Variants in DLG2 observed in about 807,000 individuals in gnomAD.
DLG2 encodes the protein disks large homolog 2.
A neutral mutation model predicts 132.5 loss-of-function variants in DLG2; 45 were observed. That is an observed-to-expected ratio of 0.34 (90% CI 0.27 to 0.44). The LOEUF (loss-of-function observed/expected upper bound fraction) is 0.44, where lower values mean the gene tolerates loss of function less well. DLG2 is among the 20% of genes least tolerant of loss of function. DLG2 has a pLI of 1.00. For missense variants in DLG2, 1,045 were observed against 1,196.9 expected (o/e 0.87, Z 1.87); for synonymous variants, 424 against 419.6 (o/e 1.01, Z -0.13).
chr11:85,387,176 C>T (rs1470590194), intron 3 of DLG2, among the ~76,000 whole-genome samples: 1 of 152,064 alleles, frequency 6.6e-6, no homozygotes, highest in Non-Finnish European at 1.5e-5. Flanking sequence ...GTGTTAGCCA[C>T]CAGAATATCC....
At chr11:84,503,219 G>T (rs1294393944) in intron 7 of DLG2, among the ~76,000 whole-genome samples, 1 of 152,134 alleles carries the variant, frequency 6.6e-6, no homozygotes, top group South Asian at 2.1e-4. Flanking sequence ...GAAAACGCTC[G>T]AAGATAAGAA....
At chr11:84,683,057 G>C (rs111562437) in intron 6 of DLG2, among the ~76,000 whole-genome samples, 2,328 of 152,198 alleles carry the variant, frequency 0.015, 61 homozygotes, top group African/African-American at 0.052. Context: ...TTTGAGCAAT[G>C]TTTATAATGA....
At chr11:85,354,891 T>C (rs1224422231) in intron 3 of DLG2, among the ~76,000 whole-genome samples, 3 of 152,010 alleles carry the variant, frequency 2.0e-5, no homozygotes, top group African/African-American at 7.2e-5. Context: ...AAGTGAAAGA[T>C]AATTAACTCT....
At position 84,061,600 on chromosome 11, in the gene DLG2, G is replaced by A. The variant is rs79218217; in HGVS notation, c.750-2116C>T. ...TGATGAATAGTTTCATGTATGTTGT[G>A]TATATCAATTCAAAATGATGACTAC... is the stretch of plus-strand genomic sequence containing the variant. On this transcript the variant is annotated intron_variant, in intron 10 of 27. Transcript: ENST00000376104. Among the ~76,000 whole-genome samples the A allele has an allele frequency of 2.1e-3, 327 of 152,208 alleles. 3 individuals carry two copies. Among genetic ancestry groups the A allele is most frequent in the African/African-American group, 4.7e-3 (197 of 41,536 alleles).
intron 3 of DLG2, among the ~76,000 whole-genome samples, chr11:85,461,651 T>G (rs191647207): frequency 6.6e-6 from 1 of 152,330 alleles, no homozygotes; most frequent in Admixed American, 6.5e-5. Context: ...TCTTTATCTT[T>G]ATTATCTCTA....
At chr11:83,882,424 G>T (rs1056351061) in intron 15 of DLG2, among the ~76,000 whole-genome samples, 18 of 151,764 alleles carry the variant, frequency 1.2e-4, no homozygotes, top group African/African-American at 4.4e-4. Context: ...ACAAACAGAT[G>T]GATATAAGTA....
At chr11:84,913,606 G>C (rs1430558035) in intron 6 of DLG2, among the ~76,000 whole-genome samples, 1 of 151,988 alleles carries the variant, frequency 6.6e-6, no homozygotes, top group African/African-American at 2.4e-5. Context: ...GTATGAGCAA[G>C]AACACATGAC....
At chr11:84,172,518 C>CTTAT (rs71066098) in intron 8 of DLG2, among the ~76,000 whole-genome samples, 3,586 of 134,496 alleles carry the variant, frequency 0.027, 52 homozygotes, top group Middle Eastern at 0.045. Flanking sequence ...TTTTTCCATT[C>CTTAT]TTATTTATTT....
chr11:84,652,235 G>A (rs910791712), intron 6 of DLG2, among the ~76,000 whole-genome samples: 12 of 152,260 alleles, frequency 7.9e-5, no homozygotes, highest in Admixed American at 5.9e-4. Flanking sequence ...ATTTGTGTGT[G>A]TGCCTGTTTG....
At chr11:83,715,081 TA>T (rs1275750126) in intron 18 of DLG2, among the ~76,000 whole-genome samples, 8 of 152,030 alleles carry the variant, frequency 5.3e-5, no homozygotes, top group East Asian at 1.9e-4. Context: ...TATGCAGCCA[TA>T]AAAAAAGGAT....
chr11:83,703,564 G>A (rs139958305), intron 18 of DLG2, among the ~76,000 whole-genome samples: 4 of 152,108 alleles, frequency 2.6e-5, no homozygotes, highest in Non-Finnish European at 5.9e-5. Context: ...CAGGAAAATT[G>A]CTTGAACCTG....
At chr11:85,034,978 C>T (rs1448053815) in intron 6 of DLG2, among the ~76,000 whole-genome samples, 1 of 152,106 alleles carries the variant, frequency 6.6e-6, no homozygotes, top group African/African-American at 2.4e-5. Flanking sequence ...AATGCACCAG[C>T]CACTAGATAA....
At chr11:83,752,577 G>A (rs574942456) in intron 18 of DLG2, among the ~76,000 whole-genome samples, 2 of 152,282 alleles carry the variant, frequency 1.3e-5, no homozygotes, top group South Asian at 2.1e-4. Flanking sequence ...GGGGATGAAC[G>A]CCAGATAGAG....
chr11:85,607,638 CAA>C (rs2080674337), intron 2 of DLG2, among the ~76,000 whole-genome samples: 1 of 152,186 alleles, frequency 6.6e-6, no homozygotes, highest in Non-Finnish European at 1.5e-5. Context: ...GCTCACCAAT[CAA>C]AAAGACATAA....
rs114131644 is a variant in DLG2, at chr11:84,159,950, G to T, written c.624+3511C>A. ...ATTATTTTTCTGGCATAAATAATAT[G>T]GGAAATGATAGAACCAATTAGTCAA... On this transcript the variant is annotated intron_variant, in intron 9 of 27. Transcript: ENST00000376104. 6.9e-3 allele frequency among the ~76,000 whole-genome samples: 1,051 copies of T among 152,252 alleles called. 10 individuals are homozygous for T. The highest frequency in any genetic ancestry group is 0.024 in the African/African-American group (1,003 of 41,538).
intron 6 of DLG2, among the ~76,000 whole-genome samples, chr11:84,648,695 C>T (rs1336556252): frequency 6.6e-6 from 1 of 151,862 alleles, no homozygotes; most frequent in Non-Finnish European, 1.5e-5. Context: ...GCTTGGCATA[C>T]CTCCCTCAAC....
chr11:84,771,363 A>ATGATCAATGATACTTG (rs372604059), intron 6 of DLG2, among the ~76,000 whole-genome samples: 135 of 152,300 alleles, frequency 8.9e-4, no homozygotes, highest in African/African-American at 3.2e-3. Context: ...AATTTCTGTA[A>ATGATCAATGATACTTG]TGATCAATGA....
At chr11:85,279,673 CCACT>C (rs756172008) in intron 4 of DLG2, among the ~76,000 whole-genome samples, 242 of 152,096 alleles carry the variant, frequency 1.6e-3, no homozygotes, top group Admixed American at 3.3e-3. Context: ...TCTTTTCCAC[CCACT>C]ATCTCAGAAA....
At chr11:84,073,123 T>C (rs2096780413) in intron 10 of DLG2, among the ~76,000 whole-genome samples, 1 of 152,204 alleles carries the variant, frequency 6.6e-6, no homozygotes. Context: ...GCACAGAATA[T>C]ATATTTGGCA....
Sources: allele counts gnomAD v4.1 joint callset (sites outside exome capture counted in the v4.1 genomes callset), GRCh38; gene constraint gnomAD v4.1.1; transcripts MANE v1.5; gene names NCBI Gene and HGNC (gene_info 2026-07-23, HGNC 2026-07-21).